CACNA2D3: variants seen among roughly 807,000 people sequenced by gnomAD.
CACNA2D3 encodes the protein voltage-dependent calcium channel subunit alpha-2/delta-3.
CACNA2D3 carries 60 observed loss-of-function variants against 160.6 expected under a neutral mutation model. That is an observed-to-expected ratio of 0.37 (90% CI 0.30 to 0.46). The LOEUF is 0.46. CACNA2D3 is among the 20% of genes least tolerant of loss of function. CACNA2D3 has a pLI of 1.00. For synonymous variants in CACNA2D3, 558 were observed against 492.9 expected (o/e 1.13, Z -1.75); for missense variants, 1,205 against 1,365.0 (o/e 0.88, Z 1.85).
At chr3:54,655,147 C>T (rs1473574006) in intron 11 of CACNA2D3, among the ~76,000 whole-genome samples, 2 of 152,198 alleles carry the variant, frequency 1.3e-5, no homozygotes, top group African/African-American at 4.8e-5. Flanking sequence ...TTGCAATCTA[C>T]TGATATGTCA....
Position 54,445,894 on chromosome 3 carries a change from C to G in CACNA2D3, c.382-57598C>G, listed in dbSNP as rs942254629. Among the ~76,000 whole-genome samples the G allele has an allele frequency of 5.9e-5, 9 of 152,204 alleles. No homozygotes were observed. In the South Asian group the frequency reaches 8.3e-4, roughly 14 times the overall value. ...CTCTCATGAACTTGTCTCAGAGCTC[C>G]CTGAAAGAGGAACTGCTTTGTTCCT... On this transcript the variant is annotated intron_variant, in intron 4 of 37. Transcript: ENST00000474759.
At chr3:54,574,497 T>C (rs1205185907) in intron 8 of CACNA2D3, among the ~76,000 whole-genome samples, 2 of 152,178 alleles carry the variant, frequency 1.3e-5, no homozygotes, top group Non-Finnish European at 2.9e-5. Flanking sequence ...GGGCAAGGTA[T>C]TACAAGATCT....
chr3:54,896,986 A>T, intron 26 of CACNA2D3, 116 bp downstream of exon 26: 1 of 1,335,188 alleles, frequency 7.5e-7, no homozygotes, highest in Non-Finnish European at 1.1e-6. Flanking sequence ...CAACCCTCAG[A>T]GCCAGTGCTG....
intron 2 of CACNA2D3, among the ~76,000 whole-genome samples, chr3:54,136,632 C>A (rs1396710410): frequency 6.6e-6 from 1 of 152,254 alleles, no homozygotes; most frequent in Admixed American, 6.5e-5. Context: ...TCCCTGCACA[C>A]ATCCGGCTGT....
intron 9 of CACNA2D3, among the ~76,000 whole-genome samples, chr3:54,583,901 A>G (rs1206909781): frequency 6.6e-6 from 1 of 151,714 alleles, no homozygotes; most frequent in Non-Finnish European, 1.5e-5. Flanking sequence ...ATAGGCACAG[A>G]TTAAAAAAAA....
rs142504888 is a variant in CACNA2D3, at chr3:54,318,029, G to T, written c.205-2413G>T. Reference sequence around the variant, plus strand: ...CTTTGGGGGACACATTCAAACCATAGCAGCCTTATAGAACCATAGGAAAAT... The same window carrying T: ...CTTTGGGGGACACATTCAAACCATATCAGCCTTATAGAACCATAGGAAAAT... On this transcript the variant is annotated intron_variant, in intron 2 of 37. Coordinates refer to ENST00000474759, the MANE Select transcript of CACNA2D3 (RefSeq NM_018398.3). Among the ~76,000 whole-genome samples, 319 of 152,256 alleles carry T rather than the reference G, an allele frequency of 2.1e-3. 4 individuals carry two copies. The highest frequency in any genetic ancestry group is 7.1e-3 in the African/African-American group (295 of 41,542).
chr3:54,924,530 C>T (rs1700954014), intron 27 of CACNA2D3: 1 of 1,119,702 alleles, frequency 8.9e-7, no homozygotes, highest in Non-Finnish European at 1.3e-6. Flanking sequence ...TTACACACTC[C>T]TCCACATTCT....
intron 3 of CACNA2D3, among the ~76,000 whole-genome samples, chr3:54,330,546 G>A (rs1343954342): frequency 6.6e-6 from 1 of 152,160 alleles, no homozygotes; most frequent in African/African-American, 2.4e-5. Context: ...TTGTGGCCCT[G>A]ATTTGACTAA....
intron 14 of CACNA2D3, among the ~76,000 whole-genome samples, chr3:54,827,805 T>G (rs1441095762): frequency 6.6e-6 from 1 of 152,204 alleles, no homozygotes; most frequent in Non-Finnish European, 1.5e-5. Flanking sequence ...TAAACGATAG[T>G]GTTGGAATAA....
At chr3:54,905,204 T>C (rs1003598134) in intron 27 of CACNA2D3, among the ~76,000 whole-genome samples, 5 of 152,210 alleles carry the variant, frequency 3.3e-5, no homozygotes, top group African/African-American at 4.8e-5. Context: ...TTAGATCTGT[T>C]ACTGGAGAAA....
rs1702604449 is a variant in CACNA2D3 at position 54,985,945 on chromosome 3, G to T, written c.2619+1275G>T. 1.3e-5 allele frequency among the ~76,000 whole-genome samples: 2 copies of T among 152,196 alleles called. 1 individual carries two copies. The highest frequency in any genetic ancestry group is 4.1e-4 in the South Asian group (2 of 4,830). On this transcript the variant is annotated intron_variant, in intron 30 of 37. Transcript: ENST00000474759. ...ATCACTAGACATGGGACAGTCCGTG[G>T]ACATTAGATAGGATGAATGGGCCCA...
chr3:54,885,405 C>T lies in CACNA2D3; in HGVS notation c.1958+79C>T, dbSNP rs188385205. 5.6e-6 allele frequency: 9 copies of T among 1,599,238 alleles called. No homozygotes were observed. In the East Asian group the frequency reaches 1.8e-4, roughly 32 times the overall value. On this transcript the variant is annotated intron_variant, in intron 22 of 37. Coordinates refer to ENST00000474759, the MANE Select transcript of CACNA2D3 (RefSeq NM_018398.3). ...ATTCCACATGGTTTGTGCTCCCTTG[C>T]CCAGTTTTCCTGATTCCAAGGCAAA...
chr3:55,001,656 C>T (rs951881101), intron 31 of CACNA2D3, among the ~76,000 whole-genome samples: 5 of 152,154 alleles, frequency 3.3e-5, no homozygotes, highest in African/African-American at 1.2e-4. Context: ...TCTCTTGAGC[C>T]TTTGGGAACA....
intron 11 of CACNA2D3, among the ~76,000 whole-genome samples, chr3:54,653,771 G>A (rs780712763): frequency 3.9e-5 from 6 of 152,168 alleles, no homozygotes; most frequent in Non-Finnish European, 7.4e-5. Flanking sequence ...CCCCTGTGGT[G>A]GAAACTGTGG....
At chr3:54,513,100 G>A (rs565092288) in intron 5 of CACNA2D3, among the ~76,000 whole-genome samples, 1 of 152,262 alleles carries the variant, frequency 6.6e-6, no homozygotes, top group South Asian at 2.1e-4. Flanking sequence ...GGGAATTCAA[G>A]ATGAGATTTG....
At chr3:54,327,682 A>C (rs1394261732) in intron 3 of CACNA2D3, among the ~76,000 whole-genome samples, 2 of 152,268 alleles carry the variant, frequency 1.3e-5, no homozygotes, top group Non-Finnish European at 2.9e-5. Context: ...GAATGTGCAG[A>C]AAATGAAAAA....
chr3:54,747,539 A>G (rs1386748504), intron 11 of CACNA2D3, among the ~76,000 whole-genome samples: 3 of 152,174 alleles, frequency 2.0e-5, no homozygotes, highest in African/African-American at 7.2e-5. Flanking sequence ...CTTTTACATT[A>G]TGTATCAGCT....
intron 35 of CACNA2D3, among the ~76,000 whole-genome samples, chr3:55,030,426 C>A (rs1703663875): frequency 6.6e-6 from 1 of 151,984 alleles, no homozygotes; most frequent in South Asian, 2.1e-4. Flanking sequence ...GGGTATGGGG[C>A]CAGGTTTGAA....
At chr3:54,666,194 T>C (rs542261662) in intron 11 of CACNA2D3, among the ~76,000 whole-genome samples, 2 of 152,334 alleles carry the variant, frequency 1.3e-5, no homozygotes, top group South Asian at 4.1e-4. Context: ...AAGAATCTTT[T>C]AGTTTCTCAA....
Sources: gnomAD v4.1 joint callset for allele counts (sites outside exome capture counted in the v4.1 genomes callset) on GRCh38, gnomAD v4.1.1 for gene constraint, MANE v1.5 for transcripts, NCBI Gene and HGNC (gene_info 2026-07-23, HGNC 2026-07-21) for gene names.